Variants in GPC5 observed in about 807,000 individuals in gnomAD.
The protein encoded by GPC5 is glypican 5.
A neutral mutation model predicts 53.9 loss-of-function variants in GPC5; 47 were observed. That is an observed-to-expected ratio of 0.87 (90% CI 0.69 to 1.11). The LOEUF (loss-of-function observed/expected upper bound fraction) is 1.11, where lower values mean the gene tolerates loss of function less well. Ranked by LOEUF, GPC5 falls within the 50% of genes most tolerant of loss-of-function variation. The probability of loss-of-function intolerance (pLI) is 0.00; values close to 1 mark genes in which losing one functional copy is unlikely to be tolerated. For missense variants in GPC5, 748 were observed against 713.1 expected (o/e 1.05, Z -0.56); for synonymous variants, 286 against 263.3 (o/e 1.09, Z -0.84).
At chr13:92,458,307 G>T (rs1180970365) in intron 7 of GPC5, among the ~76,000 whole-genome samples, 2 of 135,536 alleles carry the variant, frequency 1.5e-5, no homozygotes, top group Non-Finnish European at 3.2e-5. Flanking sequence ...TTTTTTTGGG[G>T]GGGGCAGGGT....
chr13:92,664,351 T>C lies in GPC5; in HGVS notation c.1562-201931T>C, dbSNP rs547678274. On this transcript the variant is annotated intron_variant, in intron 7 of 7. Transcript: ENST00000377067. ...TCACCCTGCCAGTCACCAAATCCAATAGATTTTTTTTTTTTTTTTTTACTT... is the reference window on the plus strand; with the variant it reads ...TCACCCTGCCAGTCACCAAATCCAACAGATTTTTTTTTTTTTTTTTTACTT... 1.6e-3 allele frequency among the ~76,000 whole-genome samples: 183 copies of C among 116,000 alleles called. 1 individual carries two copies. Among genetic ancestry groups the C allele is most frequent in the African/African-American group, 5.8e-3 (179 of 30,730 alleles). 76.1% of individuals were successfully genotyped at this position (116,000 alleles called of 152,430 possible). A position where few individuals can be genotyped will look rare whatever the true frequency, so the allele number is the denominator to read the frequency against.
At chr13:91,610,431 C>A (rs962645337) in intron 2 of GPC5, among the ~76,000 whole-genome samples, 3 of 151,920 alleles carry the variant, frequency 2.0e-5, no homozygotes, top group Non-Finnish European at 2.9e-5. Flanking sequence ...TCATTTTGTT[C>A]TTATAACTTT....
chr13:91,830,742 A>G (rs548082862), intron 5 of GPC5, among the ~76,000 whole-genome samples: 2 of 144,614 alleles, frequency 1.4e-5, no homozygotes, highest in South Asian at 4.2e-4. Context: ...ATATATGTAT[A>G]TAAATATACA....
Position 91,398,763 on chromosome 13 carries a change from C to A in GPC5, c.-284C>A. The A allele has an allele frequency of 2.6e-6, 1 of 388,944 alleles. No homozygotes were observed. The highest frequency in any genetic ancestry group is 4.6e-6 in the Non-Finnish European group (1 of 218,032). 24.1% of individuals were successfully genotyped at this position (388,944 alleles called of 1,614,324 possible). A position where few individuals can be genotyped will look rare whatever the true frequency, so the allele number is the denominator to read the frequency against. On this transcript the variant is annotated 5_prime_UTR_variant, in exon 1 of 8. Transcript: ENST00000377067. ...GGATGCTTGCGGGCTCCCTGCGGCTCCACTAGTTTTCTTCGCCCCGCCCAG... is the reference window on the plus strand; with the variant it reads ...GGATGCTTGCGGGCTCCCTGCGGCTACACTAGTTTTCTTCGCCCCGCCCAG...
At chr13:92,146,993 G>C (rs930877839) in intron 7 of GPC5, among the ~76,000 whole-genome samples, 1 of 152,022 alleles carries the variant, frequency 6.6e-6, no homozygotes. Context: ...GGGCATAATG[G>C]ATATAAATTG....
intron 7 of GPC5, among the ~76,000 whole-genome samples, chr13:92,549,813 C>G (rs767179677): frequency 4.2e-4 from 63 of 151,652 alleles, no homozygotes; most frequent in Non-Finnish European, 2.9e-4. Context: ...ATAAACCTCT[C>G]TTTTAAATAA....
At chr13:92,551,266 G>A (rs1356462802) in intron 7 of GPC5, among the ~76,000 whole-genome samples, 10 of 149,756 alleles carry the variant, frequency 6.7e-5, no homozygotes, top group Non-Finnish European at 1.2e-4. Flanking sequence ...AATTGCCATA[G>A]ACACTGGTAA....
At chr13:92,711,803 CAA>C (rs1042921110) in intron 7 of GPC5, among the ~76,000 whole-genome samples, 4 of 151,902 alleles carry the variant, frequency 2.6e-5, no homozygotes, top group Admixed American at 6.6e-5. Flanking sequence ...ATCTCCAACT[CAA>C]AAACACACTT....
intron 5 of GPC5, among the ~76,000 whole-genome samples, chr13:91,883,869 G>C (rs530707685): frequency 6.6e-6 from 1 of 151,954 alleles, no homozygotes; most frequent in Non-Finnish European, 1.5e-5. Flanking sequence ...TTTGTTGTAC[G>C]GATTATTCCA....
intron 5 of GPC5, among the ~76,000 whole-genome samples, chr13:91,778,438 C>T (rs568190566): frequency 5.3e-5 from 8 of 152,326 alleles, no homozygotes; most frequent in African/African-American, 1.9e-4. Context: ...TTTCCTCCTC[C>T]TTCCATCTCC....
intron 6 of GPC5, among the ~76,000 whole-genome samples, chr13:92,126,567 G>A (rs1566446645): frequency 6.6e-6 from 1 of 152,138 alleles, no homozygotes; most frequent in Non-Finnish European, 1.5e-5. Context: ...GCTTATACGT[G>A]TAAACAAAGT....
At chr13:92,861,622 C>A (rs1312697068) in intron 7 of GPC5, among the ~76,000 whole-genome samples, 1 of 152,112 alleles carries the variant, frequency 6.6e-6, no homozygotes, top group African/African-American at 2.4e-5. Context: ...CTTTTTGCTG[C>A]AATCTATAAT....
Position 92,807,187 on chromosome 13 carries a change from A to G in GPC5, c.1562-59095A>G, listed in dbSNP as rs113501533. ...GCTATTATACTTTTATATTTACAATATCATCATTGTTTAACTTTGTGCAAC... is the reference window on the plus strand; with the variant it reads ...GCTATTATACTTTTATATTTACAATGTCATCATTGTTTAACTTTGTGCAAC... On this transcript the variant is annotated intron_variant, in intron 7 of 7. Coordinates refer to ENST00000377067, the MANE Select transcript of GPC5 (RefSeq NM_004466.6). 2.6e-5 allele frequency among the ~76,000 whole-genome samples: 4 copies of G among 152,236 alleles called. 1 individual carries two copies. Among genetic ancestry groups the G allele is most frequent in the African/African-American group, 9.6e-5 (4 of 41,572 alleles).
intron 6 of GPC5, among the ~76,000 whole-genome samples, chr13:91,964,140 G>A (rs1204490372): frequency 6.6e-6 from 1 of 152,170 alleles, no homozygotes; most frequent in Non-Finnish European, 1.5e-5. Context: ...CTTCTGGTGG[G>A]TTCATGGTCT....
At chr13:91,887,753 A>G (rs903773664) in intron 5 of GPC5, among the ~76,000 whole-genome samples, 2 of 152,004 alleles carry the variant, frequency 1.3e-5, no homozygotes, top group Non-Finnish European at 2.9e-5. Flanking sequence ...CCTCATCTCC[A>G]TCTCCAGCCT....
chr13:92,033,236 T>C (rs553538566), intron 6 of GPC5, among the ~76,000 whole-genome samples: 1 of 152,248 alleles, frequency 6.6e-6, no homozygotes, highest in South Asian at 2.1e-4. Flanking sequence ...TTCCAAAGGA[T>C]CTGGCACAGA....
chr13:91,747,652 T>TTC (rs397801919), intron 4 of GPC5, among the ~76,000 whole-genome samples: 1 of 151,916 alleles, frequency 6.6e-6, no homozygotes, highest in Non-Finnish European at 1.5e-5. Context: ...TTTTTTTTTT[T>TTC]CTAATCTAAC....
intron 6 of GPC5, among the ~76,000 whole-genome samples, chr13:91,915,761 G>A (rs148813744): frequency 5.9e-5 from 9 of 152,054 alleles, no homozygotes; most frequent in African/African-American, 2.2e-4. Context: ...ATTACAACCA[G>A]CTCCCACTAA....
chr13:91,934,429 A>G (rs1382730933), intron 6 of GPC5, among the ~76,000 whole-genome samples: 6 of 151,878 alleles, frequency 4.0e-5, no homozygotes, highest in Admixed American at 2.0e-4. Context: ...TTATTTTGAG[A>G]GTAATACTTG....
Sources: gnomAD v4.1 joint callset for allele counts (sites outside exome capture counted in the v4.1 genomes callset) on GRCh38, gnomAD v4.1.1 for gene constraint, MANE v1.5 for transcripts, NCBI Gene and HGNC (gene_info 2026-07-23, HGNC 2026-07-21) for gene names.